OR2AJ1: variants seen among roughly 807,000 people sequenced by gnomAD.
OR2AJ1 encodes the protein olfactory receptor 2AJ1.
For missense variants in OR2AJ1, 280 were observed against 163.2 expected (o/e 1.72, Z -3.90); for synonymous variants, 105 against 60.3 (o/e 1.74, Z -3.44).
Position 247,934,273 on chromosome 1 carries a change from T to A in OR2AJ1, c.505T>A (p.Cys169Ser). 1 of 727,790 alleles carries A rather than the reference T, an allele frequency of 1.4e-6. No homozygotes were observed. The highest frequency in any genetic ancestry group is 1.5e-5 in the South Asian group (1 of 68,338). 45.1% of individuals were successfully genotyped at this position (727,790 alleles called of 1,614,324 possible). A position where few individuals can be genotyped will look rare whatever the true frequency, so the allele number is the denominator to read the frequency against. ...AGCTTATGCACTGCAGTTTCCCTTC[T>A]GTGGCTCTAGGGCAATTGATCACTT... ...HTAYALQFPFCGSRAIDHFFC... is the reference protein window; with the variant it reads ...HTAYALQFPFSGSRAIDHFFC... Residue 169 changes from cysteine (C) to serine (S), a missense_variant, in exon 2 of 2, where the codon TGT becomes AGT. Transcript: ENST00000318244.
intron 1 of OR2AJ1, among the ~76,000 whole-genome samples, chr1:247,925,600 A>AT (rs200728442): frequency 0.04 from 6,106 of 152,162 alleles, 379 homozygotes; most frequent in African/African-American, 0.14. Flanking sequence ...AATTTTATGA[A>AT]TTTTTTTTAA....
chr1:247,925,529 G>A lies in OR2AJ1; in HGVS notation c.-23+361G>A, dbSNP rs1660081051. On this transcript the variant is annotated intron_variant, in intron 1 of 1. Coordinates refer to ENST00000318244, the MANE Select transcript of OR2AJ1 (RefSeq NM_001355235.2). ...CAACTTATGAAAAAGATGCAGAATA[G>A]CTCAATTTATATAAATATAAATACT... Among the ~76,000 whole-genome samples the A allele has an allele frequency of 1.3e-5, 2 of 152,126 alleles. 1 individual carries two copies. The highest frequency in any genetic ancestry group is 4.1e-4 in the South Asian group (2 of 4,826).
At chr1:247,926,106 A>G (rs561572897) in intron 1 of OR2AJ1, among the ~76,000 whole-genome samples, 12 of 152,236 alleles carry the variant, frequency 7.9e-5, no homozygotes, top group Non-Finnish European at 1.6e-4. Flanking sequence ...AAATTAAATC[A>G]TGCCATTTTA....
intron 1 of OR2AJ1, among the ~76,000 whole-genome samples, chr1:247,928,203 A>G (rs1162053219): frequency 6.6e-6 from 1 of 151,568 alleles, no homozygotes; most frequent in East Asian, 1.9e-4. Context: ...GATAATGACC[A>G]CTCTAATTGC....
At chr1:247,931,536 G>C (rs1464415509) in intron 1 of OR2AJ1, among the ~76,000 whole-genome samples, 6 of 152,180 alleles carry the variant, frequency 3.9e-5, no homozygotes, top group African/African-American at 1.4e-4. Flanking sequence ...TGGACATATG[G>C]TGTTGGAAGT....
chr1:247,928,639 A>C (rs116720239), intron 1 of OR2AJ1, among the ~76,000 whole-genome samples: 1,604 of 152,300 alleles, frequency 0.011, 17 homozygotes, highest in Non-Finnish European at 0.017. Flanking sequence ...CATAAGAAGC[A>C]AGTGTTGATT....
At chr1:247,927,042 A>G (rs960702100) in intron 1 of OR2AJ1, among the ~76,000 whole-genome samples, 2 of 152,110 alleles carry the variant, frequency 1.3e-5, no homozygotes, top group African/African-American at 4.8e-5. Flanking sequence ...GGTGATATCT[A>G]TTTCATGTTT....
At position 247,934,700 on chromosome 1, in the gene OR2AJ1, A is replaced by C; in HGVS notation, c.932A>C (p.His311Pro). 1 of 715,198 alleles carries C rather than the reference A, an allele frequency of 1.4e-6. No individual in the cohort carries two copies. The highest frequency in any genetic ancestry group is 2.6e-6 in the Non-Finnish European group (1 of 384,986). The allele number at this position is 715,198 out of a possible 1,614,324, so 44.3% of individuals were successfully genotyped here. The change falls in exon 2 of 2, where the codon CAC (histidine) becomes CCC (proline). Residue 311 changes from histidine (H) to proline (P), a missense_variant. By Grantham distance (77) the His-to-Pro change is moderately conservative. Coordinates refer to ENST00000318244, the MANE Select transcript of OR2AJ1 (RefSeq NM_001355235.2). ...MKNMLKSNFL[H>P]KKMNRKIPEC... Reference sequence around the variant, plus strand: ...AATATGCTCAAAAGTAACTTTCTGCACAAAAAAATGAATAGGAAAATTCCT... The same window carrying C: ...AATATGCTCAAAAGTAACTTTCTGCCCAAAAAAATGAATAGGAAAATTCCT...
At chr1:247,933,649 C>T in intron 1 of OR2AJ1, 98 bp from the exon 2 acceptor site, 1 of 487,720 alleles carries the variant, frequency 2.1e-6, no homozygotes, top group Admixed American at 3.8e-5. Flanking sequence ...ACAAAACATG[C>T]ATCACTAACT....
In OR2AJ1 at chr1:247,934,234, T is replaced by G. The variant is rs1488889377; in HGVS notation, c.466T>G (p.Ser156Ala). Residue 156 changes from serine (S) to alanine (A), a missense_variant, in exon 2 of 2, where the codon TCC becomes GCC. Physicochemically the swap from Ser to Ala is moderately conservative, Grantham distance 99. Coordinates refer to ENST00000318244, the MANE Select transcript of OR2AJ1 (RefSeq NM_001355235.2). ...CTCCTGGCTCATTGGGGTTTTCAAC[T>G]CCACAGTCCACACAGCTTATGCACT... ...GGSWLIGVFN[S>A]TVHTAYALQF... 1 of 719,634 alleles carries G rather than the reference T, an allele frequency of 1.4e-6. No individual in the cohort carries two copies. Among genetic ancestry groups the G allele is most frequent in the South Asian group, 1.5e-5 (1 of 67,746 alleles). The allele number at this position is 719,634 out of a possible 1,614,324, so 44.6% of individuals were successfully genotyped here.
intron 1 of OR2AJ1, among the ~76,000 whole-genome samples, chr1:247,930,022 C>T (rs1660135292): frequency 6.6e-6 from 1 of 152,098 alleles, no homozygotes. Flanking sequence ...TGAGTTTTGC[C>T]TGTCCTATGA....
chr1:247,929,793 G>T (rs1472014360), intron 1 of OR2AJ1, among the ~76,000 whole-genome samples: 2 of 152,050 alleles, frequency 1.3e-5, no homozygotes, highest in Admixed American at 6.6e-5. Flanking sequence ...ACAAAAAAAT[G>T]AAATATTTTT....
chr1:247,929,244 A>G (rs7513295), intron 1 of OR2AJ1, among the ~76,000 whole-genome samples: 30,346 of 152,124 alleles, frequency 0.2, 3,206 homozygotes, highest in South Asian at 0.4. Flanking sequence ...AAACATTCTC[A>G]TTCAGTGTGG....
chr1:247,928,910 C>A (rs1331000817), intron 1 of OR2AJ1, among the ~76,000 whole-genome samples: 1 of 152,008 alleles, frequency 6.6e-6, no homozygotes, highest in South Asian at 2.1e-4. Flanking sequence ...CTGGCTAACA[C>A]GGTGAAATCC....
In OR2AJ1 at chr1:247,933,966, C is replaced by T. The variant is rs535863153; in HGVS notation, c.198C>T (p.Leu66=). 1.4e-6 allele frequency: 1 copy of T among 717,660 alleles called. No homozygotes were observed. The highest frequency in any genetic ancestry group is 2.0e-5 in the Admixed American group (1 of 50,028). The allele number at this position is 717,660 out of a possible 1,614,324, so 44.5% of individuals were successfully genotyped here. ...HTPMYFLLSH[L]SLMDILHVSN... ...CAATGTATTTTCTGCTCAGCCATCT[C>T]TCCTTAATGGATATCTTGCATGTTT... The change falls in exon 2 of 2, where the codon CTC becomes CTT. Residue 66 remains leucine, a synonymous_variant. Transcript: ENST00000318244.
intron 1 of OR2AJ1, among the ~76,000 whole-genome samples, chr1:247,932,493 A>T (rs942308528): frequency 6.6e-6 from 1 of 152,242 alleles, no homozygotes; most frequent in Admixed American, 6.5e-5. Context: ...GGATTAAGTG[A>T]TCTGTTTATG....
chr1:247,932,937 G>T (rs894193442), intron 1 of OR2AJ1, among the ~76,000 whole-genome samples: 1 of 152,100 alleles, frequency 6.6e-6, no homozygotes, highest in African/African-American at 2.4e-5. Flanking sequence ...ACGTAAATAT[G>T]AAATACAACC....
Position 247,934,219 on chromosome 1 carries a change from A to G in OR2AJ1, c.451A>G (p.Ile151Val), listed in dbSNP as rs573105464. The change falls in exon 2 of 2, where the codon ATT (isoleucine) becomes GTT (valine). Residue 151 changes from isoleucine (I) to valine (V), a missense_variant. By Grantham distance (29) the Ile-to-Val change is conservative. Coordinates refer to ENST00000318244, the MANE Select transcript of OR2AJ1 (RefSeq NM_001355235.2). The part of the protein sequence containing the change: ...SALMAGGSWL[I>V]GVFNSTVHTA... ...TCTCATGGCTGGAGGCTCCTGGCTC[A>G]TTGGGGTTTTCAACTCCACAGTCCA... is the stretch of plus-strand genomic sequence containing the variant. 2 of 718,916 alleles carry G rather than the reference A, an allele frequency of 2.8e-6. No homozygotes were observed. The highest frequency in any genetic ancestry group is 4.0e-5 in the Admixed American group (2 of 50,100). The allele number at this position is 718,916 out of a possible 1,614,324, so 44.5% of individuals were successfully genotyped here. A position where few individuals can be genotyped will look rare whatever the true frequency, so the allele number is the denominator to read the frequency against.
At chr1:247,929,588 C>A (rs1356834353) in intron 1 of OR2AJ1, among the ~76,000 whole-genome samples, 1 of 134,338 alleles carries the variant, frequency 7.4e-6, no homozygotes, top group African/African-American at 2.8e-5. Flanking sequence ...CTCTATTCCC[C>A]CCCTTCACTC....
Sources: allele counts gnomAD v4.1 joint callset (sites outside exome capture counted in the v4.1 genomes callset), GRCh38; gene constraint gnomAD v4.1.1; transcripts MANE v1.5; gene names NCBI Gene and HGNC (gene_info 2026-07-23, HGNC 2026-07-21).